Variants in PTPRD observed in about 807,000 individuals in gnomAD.
PTPRD encodes the protein protein tyrosine phosphatase receptor type D.
Under a neutral mutation model 214.5 loss-of-function variants are expected in PTPRD, and 34 were observed. The ratio of observed to expected loss-of-function variants is 0.16; its 90% CI spans 0.12 to 0.21. The LOEUF (loss-of-function observed/expected upper bound fraction) is 0.21, where lower values mean the gene tolerates loss of function less well. PTPRD is among the 10% of genes least tolerant of loss of function. The pLI is 1.00. For synonymous variants in PTPRD, 1,128 were observed against 845.7 expected, an observed-to-expected ratio of 1.33 and a Z score of -5.79; for missense variants, 2,545 against 2,398.7, an observed-to-expected ratio of 1.06 and a Z score of -1.27.
chr9:9,947,308 T>TATATATTATATATGTATTATATATCAA (rs1566614085), intron 4 of PTPRD, among the ~76,000 whole-genome samples: 1 of 71,826 alleles, frequency 1.4e-5, no homozygotes, highest in African/African-American at 8.0e-5. Flanking sequence ...ATATATTTTA[T>TATATATTATATATGTATTATATATCAA]ATATATATTA....
chr9:8,865,582 C>A lies in PTPRD; in HGVS notation c.-103-131636G>T, dbSNP rs747268904. ...TTTTCCTTTTCTTCTTTTTTCCTAT[C>A]TCTCTGTATTTTTATTGTGTATAAT... On this transcript the variant is annotated intron_variant, in intron 11 of 45. Coordinates refer to ENST00000381196, the MANE Select transcript of PTPRD (RefSeq NM_002839.4). Among the ~76,000 whole-genome samples, 11 of 152,154 alleles carry A rather than the reference C, an allele frequency of 7.2e-5. No individual in the cohort carries two copies. The Middle Eastern group carries it at 0.01, about 141-fold the overall frequency.
At chr9:10,388,784 A>T (rs2097984976) in intron 2 of PTPRD, among the ~76,000 whole-genome samples, 1 of 151,816 alleles carries the variant, frequency 6.6e-6, no homozygotes, top group African/African-American at 2.4e-5. Flanking sequence ...ATAATGTTGG[A>T]ACCTATTCTT....
intron 8 of PTPRD, among the ~76,000 whole-genome samples, chr9:9,458,384 CA>C (rs1210529892): frequency 6.6e-6 from 1 of 151,724 alleles, no homozygotes; most frequent in Non-Finnish European, 1.5e-5. Context: ...TTTTTACTAA[CA>C]TTGTATGGTT....
chr9:8,713,298 C>T (rs1383794288), intron 12 of PTPRD: 6 of 723,446 alleles, frequency 8.3e-6, no homozygotes, highest in South Asian at 4.6e-5. Context: ...GCGGCGAGCG[C>T]GGAGAGGACG....
intron 14 of PTPRD, among the ~76,000 whole-genome samples, chr9:8,592,836 T>A (rs1758716368): frequency 6.6e-6 from 1 of 152,218 alleles, no homozygotes; most frequent in Non-Finnish European, 1.5e-5. Flanking sequence ...AACGAGAAGA[T>A]AACTAACTTT....
chr9:10,589,794 G>C (rs1337194911), intron 2 of PTPRD, among the ~76,000 whole-genome samples: 1 of 152,048 alleles, frequency 6.6e-6, no homozygotes, highest in Non-Finnish European at 1.5e-5. Context: ...AGGAGGTCAA[G>C]TGATAGCTGA....
intron 37 of PTPRD, among the ~76,000 whole-genome samples, chr9:8,382,023 C>T (rs1379693279): frequency 6.6e-6 from 1 of 152,202 alleles, no homozygotes; most frequent in African/African-American, 2.4e-5. Context: ...CACCTGGGTG[C>T]CCCACATAGC....
intron 12 of PTPRD, among the ~76,000 whole-genome samples, chr9:8,697,478 A>G (rs955460482): frequency 7.7e-6 from 1 of 129,516 alleles, no homozygotes; most frequent in African/African-American, 3.1e-5. Context: ...GCTGGAGTGC[A>G]GTGGTGTGAT....
chr9:10,101,506 T>C (rs1234057809), intron 3 of PTPRD, among the ~76,000 whole-genome samples: 5 of 151,608 alleles, frequency 3.3e-5, no homozygotes, highest in Non-Finnish European at 7.4e-5. Flanking sequence ...AGAGTGCCAC[T>C]GGACATGAGG....
At chr9:9,707,552 T>C (rs950405118) in intron 7 of PTPRD, among the ~76,000 whole-genome samples, 3 of 152,156 alleles carry the variant, frequency 2.0e-5, no homozygotes, top group African/African-American at 7.2e-5. Context: ...GTGATTATTG[T>C]TTAATTTTAC....
At chr9:10,416,249 T>A (rs961216705) in intron 2 of PTPRD, among the ~76,000 whole-genome samples, 4 of 151,562 alleles carry the variant, frequency 2.6e-5, no homozygotes, top group African/African-American at 7.3e-5. Flanking sequence ...TCCCAGCTAC[T>A]CAGGAGGCTG....
At chr9:9,435,274 G>C (rs2084772654) in intron 8 of PTPRD, among the ~76,000 whole-genome samples, 1 of 152,106 alleles carries the variant, frequency 6.6e-6, no homozygotes. Context: ...ACTTTGGGAA[G>C]CTGAGGTGGG....
chr9:10,042,893 G>A (rs1238862142), intron 3 of PTPRD, among the ~76,000 whole-genome samples: 1 of 151,890 alleles, frequency 6.6e-6, no homozygotes, highest in Non-Finnish European at 1.5e-5. Flanking sequence ...TAATATGAAT[G>A]TATTTGTGAA....
At chr9:10,151,596 A>C (rs185444381) in intron 3 of PTPRD, among the ~76,000 whole-genome samples, 21 of 152,186 alleles carry the variant, frequency 1.4e-4, no homozygotes, top group Admixed American at 2.6e-4. Context: ...TTAAAAATTA[A>C]AGTTTAACTT....
intron 10 of PTPRD, among the ~76,000 whole-genome samples, chr9:9,144,732 G>A (rs746475881): frequency 6.6e-6 from 1 of 151,950 alleles, no homozygotes; most frequent in Non-Finnish European, 1.5e-5. Flanking sequence ...CAACCTAGGC[G>A]ACAGAGCGAG....
Position 8,528,878 on chromosome 9 carries a change from G to C in PTPRD, c.353-99C>G, listed in dbSNP as rs143916439. ...TCTCTCTTTACCTTACTCAGTGCTT[G>C]TTGAGAACCTAACACAAACCAGGCA... On this transcript the variant is annotated intron_variant, in intron 14 of 45. Transcript: ENST00000381196. 3.2e-4 allele frequency: 368 copies of C among 1,161,108 alleles called. 1 individual carries two copies. Among genetic ancestry groups the C allele is most frequent in the Middle Eastern group, 1.4e-3 (5 of 3,472 alleles). 71.9% of individuals were successfully genotyped at this position (1,161,108 alleles called of 1,614,324 possible).
At chr9:8,701,200 T>C (rs1299402137) in intron 12 of PTPRD, among the ~76,000 whole-genome samples, 1 of 151,858 alleles carries the variant, frequency 6.6e-6, no homozygotes, top group Non-Finnish European at 1.5e-5. Context: ...GTGCCATAAT[T>C]CAGGGGGAAA....
intron 2 of PTPRD, among the ~76,000 whole-genome samples, chr9:10,441,542 ATAAAG>A (rs1041217503): frequency 1.3e-5 from 2 of 149,318 alleles, no homozygotes; most frequent in African/African-American, 5.0e-5. Flanking sequence ...ATTGCTTCCA[ATAAAG>A]TATTTTTTTT....
chr9:9,871,502 C>G lies in PTPRD; in HGVS notation c.-368+67005G>C, dbSNP rs142462980. Among the ~76,000 whole-genome samples, 1,043 of 152,276 alleles carry G rather than the reference C, an allele frequency of 6.8e-3. 4 individuals are homozygous for G. The highest frequency in any genetic ancestry group is 0.037 in the Middle Eastern group (11 of 294). Reference sequence around the variant, plus strand: ...AGAGAGATTGGATTCAGGGGAGCCGCTGTATTTCTAACTCTAGCTCTTCAA... The same window carrying G: ...AGAGAGATTGGATTCAGGGGAGCCGGTGTATTTCTAACTCTAGCTCTTCAA... On this transcript the variant is annotated intron_variant, in intron 5 of 45. Transcript: ENST00000381196.
Sources: gnomAD v4.1 joint callset for allele counts (sites outside exome capture counted in the v4.1 genomes callset) on GRCh38, gnomAD v4.1.1 for gene constraint, MANE v1.5 for transcripts, NCBI Gene and HGNC (gene_info 2026-07-23, HGNC 2026-07-21) for gene names.